The following CSMD3 variants were observed in gnomAD, a reference collection of about 807,000 sequenced individuals.
CSMD3 encodes the protein CUB and Sushi multiple domains 3.
A neutral mutation model predicts 435.2 loss-of-function variants in CSMD3; 177 were observed. That is an observed-to-expected ratio of 0.41 (90% CI 0.36 to 0.46). The LOEUF is 0.46. CSMD3 is among the 20% of genes least tolerant of loss of function. The pLI, the probability that CSMD3 is intolerant of heterozygous loss-of-function variation, is 0.34. For missense variants in CSMD3, 4,265 were observed against 4,504.6 expected, an observed-to-expected ratio of 0.95 and a Z score of 1.52; for synonymous variants, 1,656 against 1,520.5, an observed-to-expected ratio of 1.09 and a Z score of -2.07.
intron 1 of CSMD3, among the ~76,000 whole-genome samples, chr8:113,363,589 G>T (rs1162945551): frequency 6.6e-6 from 1 of 152,122 alleles, no homozygotes; most frequent in East Asian, 1.9e-4. Context: ...CTGCTGGCTT[G>T]CTTTCGTGGC....
At chr8:113,113,241 T>C (rs1262541988) in intron 4 of CSMD3, among the ~76,000 whole-genome samples, 2 of 152,160 alleles carry the variant, frequency 1.3e-5, no homozygotes, top group Non-Finnish European at 1.5e-5. Flanking sequence ...ATGCTATGTA[T>C]ATAGTTTTTA....
chr8:112,464,205 T>C (rs1195885752), intron 32 of CSMD3, among the ~76,000 whole-genome samples: 2 of 143,002 alleles, frequency 1.4e-5, no homozygotes, highest in Non-Finnish European at 3.0e-5. Context: ...GCCACTGCAC[T>C]CCAGCCTGGG....
chr8:113,228,266 T>C (rs113558513), intron 3 of CSMD3, among the ~76,000 whole-genome samples: 65 of 151,694 alleles, frequency 4.3e-4, no homozygotes, highest in African/African-American at 1.5e-3. Flanking sequence ...CCTTCCCCTA[T>C]CTCTGCCTAA....
At chr8:112,575,915 C>T (rs1269079138) in intron 23 of CSMD3, among the ~76,000 whole-genome samples, 2 of 152,042 alleles carry the variant, frequency 1.3e-5, no homozygotes, top group Non-Finnish European at 1.5e-5. Flanking sequence ...CATTCACAAT[C>T]AAATCATTTA....
intron 1 of CSMD3, among the ~76,000 whole-genome samples, chr8:113,321,403 TTCTAGA>T (rs2093948531): frequency 1.3e-5 from 2 of 152,156 alleles, no homozygotes; most frequent in African/African-American, 4.8e-5. Context: ...CAACTTCTTC[TTCTAGA>T]CAGAGGAAGG....
intron 31 of CSMD3, among the ~76,000 whole-genome samples, chr8:112,477,961 C>T (rs1316057371): frequency 6.6e-6 from 1 of 152,090 alleles, no homozygotes; most frequent in Non-Finnish European, 1.5e-5. Flanking sequence ...GGGGTCAAGG[C>T]TTTCCCGTGC....
At chr8:113,262,058 C>A (rs964126120) in intron 3 of CSMD3, among the ~76,000 whole-genome samples, 3 of 152,086 alleles carry the variant, frequency 2.0e-5, no homozygotes, top group African/African-American at 7.2e-5. Context: ...ATTTGTGATT[C>A]TTCTATTACC....
Position 112,954,729 on chromosome 8 carries a change from A to T in CSMD3, c.1375T>A (p.Phe459Ile), listed in dbSNP as rs2083948780. Residue 459 changes from phenylalanine (F) to isoleucine (I), a missense_variant, in exon 8 of 71, where the codon TTT (phenylalanine) becomes ATT (isoleucine). Physicochemically the swap from Phe to Ile is conservative, Grantham distance 21. This residue lies in a region of CSMD3 where 731 missense variants were observed against 755.4 expected (regional missense o/e 0.97). Coordinates refer to ENST00000297405, the MANE Select transcript of CSMD3 (RefSeq NM_198123.2). The stretch of plus-strand genomic sequence containing the variant: ...TTGTCTTTCCCTGGAAACAATTTAA[A>T]TCCTCTAGATTTAAAATCTATGGCC... ...KKAIDFKSRG[F>I]KLFPGKDNSN... The T allele has an allele frequency of 6.3e-7, 1 of 1,598,014 alleles. No individual in the cohort carries two copies. The highest frequency in any genetic ancestry group is 1.7e-5 in the Admixed American group (1 of 59,812).
At position 113,186,204 on chromosome 8, in the gene CSMD3, G is replaced by C. The variant is rs865825079; in HGVS notation, c.515-12288C>G. On this transcript the variant is annotated intron_variant, in intron 3 of 70. Transcript: ENST00000297405. ...CTTAATGTGAGCTCAAATTTCCATA[G>C]GGCTGTGCCCTATGTGGGCATCCTT... 2.6e-5 allele frequency among the ~76,000 whole-genome samples: 4 copies of C among 151,920 alleles called. No homozygotes were observed. The South Asian group carries it at 8.3e-4, about 32-fold the overall frequency.
intron 65 of CSMD3, among the ~76,000 whole-genome samples, chr8:112,242,816 A>C (rs1814292687): frequency 1.3e-5 from 2 of 152,132 alleles, no homozygotes; most frequent in African/African-American, 4.8e-5. Context: ...AAATAAGATA[A>C]ATAAGCCAGA....
chr8:112,356,147 C>G (rs1294468062), intron 38 of CSMD3, among the ~76,000 whole-genome samples: 1 of 152,082 alleles, frequency 6.6e-6, no homozygotes, highest in Non-Finnish European at 1.5e-5. Flanking sequence ...GAACTTAGAA[C>G]TACCATTTAA....
At chr8:112,703,239 T>C (rs987372749) in intron 13 of CSMD3, among the ~76,000 whole-genome samples, 9 of 152,052 alleles carry the variant, frequency 5.9e-5, no homozygotes, top group Admixed American at 3.3e-4. Flanking sequence ...CCATAGAGAG[T>C]AGCACATGAT....
At chr8:112,548,576 G>T (rs1319506916) in intron 27 of CSMD3, among the ~76,000 whole-genome samples, 2 of 152,030 alleles carry the variant, frequency 1.3e-5, no homozygotes, top group Admixed American at 6.6e-5. Flanking sequence ...GTATTTCTTT[G>T]GGCAATGAGA....
intron 3 of CSMD3, among the ~76,000 whole-genome samples, chr8:113,240,391 T>G (rs1470268689): frequency 6.6e-6 from 1 of 152,150 alleles, no homozygotes; most frequent in Non-Finnish European, 1.5e-5. Context: ...GATTGCCAGG[T>G]CAAATAGCAT....
intron 3 of CSMD3, among the ~76,000 whole-genome samples, chr8:113,222,636 T>C (rs1023236596): frequency 6.6e-5 from 10 of 151,042 alleles, no homozygotes; most frequent in Non-Finnish European, 1.2e-4. Context: ...TTCAGACAAA[T>C]TATGTATTAT....
At chr8:113,228,100 CATA>C (rs1366838316) in intron 3 of CSMD3, among the ~76,000 whole-genome samples, 6 of 151,370 alleles carry the variant, frequency 4.0e-5, no homozygotes, top group African/African-American at 1.2e-4. Flanking sequence ...TGGTTGTTAA[CATA>C]ATAATATAAT....
At chr8:112,524,717 T>C (rs954286112) in intron 27 of CSMD3, among the ~76,000 whole-genome samples, 40 of 152,082 alleles carry the variant, frequency 2.6e-4, no homozygotes, top group African/African-American at 9.6e-4. Context: ...AGTAACATAA[T>C]TGATATTATA....
intron 3 of CSMD3, among the ~76,000 whole-genome samples, chr8:113,277,302 C>T (rs187373988): frequency 3.2e-4 from 48 of 152,020 alleles, no homozygotes; most frequent in Middle Eastern, 6.8e-3. Flanking sequence ...TTACTATCAC[C>T]GTGGAGGAAA....
intron 6 of CSMD3, among the ~76,000 whole-genome samples, chr8:113,003,826 G>A (rs2085955323): frequency 6.6e-6 from 1 of 151,898 alleles, no homozygotes; most frequent in African/African-American, 2.4e-5. Context: ...GAGATTATCT[G>A]TTTCATCAAT....
Sources: allele counts gnomAD v4.1 joint callset (sites outside exome capture counted in the v4.1 genomes callset), GRCh38; gene constraint gnomAD v4.1.1; regional missense constraint gnomAD v4.1.1; transcripts MANE v1.5; gene names NCBI Gene and HGNC (gene_info 2026-07-23, HGNC 2026-07-21).